SREBF2: variants seen among roughly 807,000 people sequenced by gnomAD.
SREBF2 encodes sterol regulatory element-binding protein 2.
A neutral mutation model predicts 113.1 loss-of-function variants in SREBF2; 55 were observed. The ratio of observed to expected loss-of-function variants is 0.49; its 90% CI spans 0.39 to 0.61. The LOEUF (loss-of-function observed/expected upper bound fraction) is 0.61. Among genes scored for constraint, SREBF2 ranks in the 20% least tolerant of loss-of-function variants. SREBF2 has a pLI of 0.00. For missense variants in SREBF2, 1,349 were observed against 1,487.4 expected, an observed-to-expected ratio of 0.91 and a Z score of 1.53; for synonymous variants, 593 against 605.7, an observed-to-expected ratio of 0.98 and a Z score of 0.31.
chr22:41,878,825 C>A, intron 9 of SREBF2: 2 of 1,052,438 alleles, frequency 1.9e-6, no homozygotes, highest in Non-Finnish European at 2.6e-6. Context: ...TCTGATTGGC[C>A]ATCCTGGATC....
chr22:41,892,509 A>C (rs918750699), intron 11 of SREBF2, among the ~76,000 whole-genome samples: 1 of 151,752 alleles, frequency 6.6e-6, no homozygotes, highest in African/African-American at 2.4e-5. Flanking sequence ...TTAGCCGGGC[A>C]TGGTGGCGCG....
chr22:41,849,881 G>A (rs1176662233), intron 1 of SREBF2, among the ~76,000 whole-genome samples: 2 of 152,090 alleles, frequency 1.3e-5, no homozygotes, highest in African/African-American at 4.8e-5. Flanking sequence ...ACTCACGCCT[G>A]TAATCCCAGC....
At chr22:41,894,210 T>C (rs1454671846) in intron 12 of SREBF2, among the ~76,000 whole-genome samples, 2 of 152,128 alleles carry the variant, frequency 1.3e-5, no homozygotes, top group South Asian at 4.1e-4. Context: ...TCCTGGTCAT[T>C]AGATCGAGGC....
At chr22:41,862,368 T>C (rs2077035145) in intron 1 of SREBF2, among the ~76,000 whole-genome samples, 1 of 152,210 alleles carries the variant, frequency 6.6e-6, no homozygotes, top group Non-Finnish European at 1.5e-5. Flanking sequence ...CTCACCTACT[T>C]TGTTAAGCAA....
chr22:41,874,713 C>T (rs920279254), intron 5 of SREBF2, among the ~76,000 whole-genome samples: 3 of 152,172 alleles, frequency 2.0e-5, no homozygotes, highest in Non-Finnish European at 4.4e-5. Flanking sequence ...CAAGACCAGC[C>T]TGGCCAACAT....
intron 1 of SREBF2, among the ~76,000 whole-genome samples, chr22:41,852,684 T>C (rs1159454475): frequency 6.6e-6 from 1 of 151,364 alleles, no homozygotes; most frequent in Non-Finnish European, 1.5e-5. Context: ...GATGAAGTTA[T>C]CTGACTGACT....
chr22:41,854,641 G>A (rs2076961392), intron 1 of SREBF2, among the ~76,000 whole-genome samples: 2 of 151,674 alleles, frequency 1.3e-5, no homozygotes. Context: ...GGCTGAGGCG[G>A]GCAGATCACT....
rs549402425 is a variant in SREBF2 at position 41,881,123 on chromosome 22, C to T, written c.2038+131C>T. ...CGCTACTCTTTTAGAGTGGCTAGAC[C>T]AAGCTTCTACCTGTTTTCACAGCTG... On this transcript the variant is annotated intron_variant, in intron 10 of 18. Coordinates refer to ENST00000361204, the MANE Select transcript of SREBF2 (RefSeq NM_004599.4). 3.5e-5 allele frequency: 43 copies of T among 1,218,664 alleles called. No homozygotes were observed. In the Middle Eastern group the frequency reaches 8.3e-4, roughly 23 times the overall value. 75.5% of individuals were successfully genotyped at this position (1,218,664 alleles called of 1,614,324 possible).
intron 1 of SREBF2, among the ~76,000 whole-genome samples, chr22:41,860,717 A>C (rs1458133838): frequency 3.3e-5 from 5 of 152,088 alleles, no homozygotes; most frequent in Admixed American, 2.6e-4. Context: ...TGTCTCCACA[A>C]AAAAAAGATT....
In SREBF2 at chr22:41,871,141, C is replaced by A. The variant is rs1023725140; in HGVS notation, c.867+106C>A. On this transcript the variant is annotated intron_variant, in intron 4 of 18. Coordinates refer to ENST00000361204, the MANE Select transcript of SREBF2 (RefSeq NM_004599.4). ...ATATGCTGAGTAGGTATGGGAGGGT[C>A]TATAGCACAAATCAGTCAAATTGTA... The A allele has an allele frequency of 1.2e-5, 18 of 1,452,746 alleles. No homozygotes were observed. In the African/African-American group the frequency reaches 1.6e-4, roughly 13 times the overall value. The allele number at this position is 1,452,746 out of a possible 1,614,324, so 90.0% of individuals were successfully genotyped here.
chr22:41,846,081 C>T (rs986751898), intron 1 of SREBF2, among the ~76,000 whole-genome samples: 2 of 152,190 alleles, frequency 1.3e-5, no homozygotes, highest in African/African-American at 4.8e-5. Flanking sequence ...TTTGTGTAGA[C>T]CACACTCTTG....
At chr22:41,882,241 A>G (rs12165579) in intron 10 of SREBF2, among the ~76,000 whole-genome samples, 14,965 of 152,158 alleles carry the variant, frequency 0.098, 1,197 homozygotes, top group African/African-American at 0.22. Flanking sequence ...GACAGTAGTC[A>G]GCTAAGACGG....
intron 1 of SREBF2, among the ~76,000 whole-genome samples, chr22:41,839,477 G>C (rs1418260210): frequency 6.6e-6 from 1 of 152,092 alleles, no homozygotes; most frequent in Non-Finnish European, 1.5e-5. Context: ...AAGGAGTCGT[G>C]GGACTTGGTA....
chr22:41,904,498 C>G, intron 17 of SREBF2: 1 of 496,570 alleles, frequency 2.0e-6, no homozygotes, highest in South Asian at 1.6e-5. Context: ...CCTCACCCCT[C>G]TGTCCCTGTC....
chr22:41,863,954 G>T (rs1176815711), intron 1 of SREBF2, among the ~76,000 whole-genome samples: 1 of 150,852 alleles, frequency 6.6e-6, no homozygotes, highest in Non-Finnish European at 1.5e-5. Context: ...CAGTCATCTC[G>T]GCTTACTGCA....
intron 1 of SREBF2, among the ~76,000 whole-genome samples, chr22:41,857,185 C>T (rs1048413344): frequency 1.3e-5 from 2 of 151,856 alleles, no homozygotes; most frequent in Admixed American, 6.6e-5. Context: ...AGAGTGTGGA[C>T]GGGAGTGAAG....
At chr22:41,884,626 G>A (rs2077282328) in intron 10 of SREBF2, among the ~76,000 whole-genome samples, 2 of 152,160 alleles carry the variant, frequency 1.3e-5, no homozygotes, top group South Asian at 2.1e-4. Flanking sequence ...ACAGAAATGG[G>A]TGCCATGTTC....
At chr22:41,877,534 T>A in intron 8 of SREBF2, 113 bp downstream of exon 8, 1 of 1,265,028 alleles carries the variant, frequency 7.9e-7, no homozygotes, top group Non-Finnish European at 1.1e-6. Flanking sequence ...GCTTTTATAG[T>A]GGGCCCCCAC....
intron 5 of SREBF2, among the ~76,000 whole-genome samples, chr22:41,874,877 A>G (rs2077180069): frequency 6.6e-6 from 1 of 152,182 alleles, no homozygotes; most frequent in Non-Finnish European, 1.5e-5. Context: ...ATTGCACTCC[A>G]TCCTGGGCAA....
Sources: gnomAD v4.1 joint callset for allele counts (sites outside exome capture counted in the v4.1 genomes callset) on GRCh38, gnomAD v4.1.1 for gene constraint, MANE v1.5 for transcripts, NCBI Gene and HGNC (gene_info 2026-07-23, HGNC 2026-07-21) for gene names.